The following RAPGEF3 variants were observed in gnomAD, a reference collection of about 807,000 sequenced individuals.
The protein encoded by RAPGEF3 is 9330170P05Rik.
In RAPGEF3, 103 loss-of-function variants were observed where a neutral mutation model predicts 129.8. The observed-to-expected ratio is 0.79, with a 90% CI of 0.68 to 0.93. The LOEUF (loss-of-function observed/expected upper bound fraction) is 0.93, where lower values mean the gene tolerates loss of function less well. Ranked by LOEUF, RAPGEF3 falls within the 40% of genes least tolerant of loss-of-function variation. The probability of loss-of-function intolerance (pLI) is 0.00; values close to 1 mark genes in which losing one functional copy is unlikely to be tolerated. For missense variants in RAPGEF3, 1,117 were observed against 1,207.4 expected (o/e 0.93, Z 1.11); for synonymous variants, 436 against 482.6 (o/e 0.90, Z 1.26).
Position 47,736,483 on chromosome 12 carries a change from G to C in RAPGEF3, c.*1084C>G, listed in dbSNP as rs1000028826. ...GGGTGAGCTCTGCCTCGCAAGAGGC[G>C]TCCTGGCAGTAGCTGGTTCCTAGGG... On this transcript the variant is annotated 3_prime_UTR_variant, in exon 28 of 28. Coordinates refer to ENST00000449771, the MANE Select transcript of RAPGEF3 (RefSeq NM_001098531.4). The C allele has an allele frequency of 6.6e-6, 1 of 152,390 alleles. No individual in the cohort carries two copies. The highest frequency in any genetic ancestry group is 2.4e-5 in the African/African-American group (1 of 41,466). The allele number at this position is 152,390 out of a possible 1,614,324, so 9.4% of individuals were successfully genotyped here.
chr12:47,757,706 G>A (rs1288986252), intron 2 of RAPGEF3, among the ~76,000 whole-genome samples, 160 bp downstream of exon 2: 2 of 152,044 alleles, frequency 1.3e-5, no homozygotes, highest in Non-Finnish European at 2.9e-5. Context: ...AGCCACCCAC[G>A]CACACTGCAG....
In RAPGEF3 at chr12:47,748,731, G is replaced by A. The variant is rs190509176; in HGVS notation, c.1154+88C>T. On this transcript the variant is annotated intron_variant, in intron 11 of 27. Coordinates refer to ENST00000449771, the MANE Select transcript of RAPGEF3 (RefSeq NM_001098531.4). Reference sequence around the variant, plus strand: ...ACCTCTCCATCCACAAGTGGCCAGAGGGCAGGGATATGACACAGGGGAAGG... The same window carrying A: ...ACCTCTCCATCCACAAGTGGCCAGAAGGCAGGGATATGACACAGGGGAAGG... 6.0e-4 allele frequency: 691 copies of A among 1,149,662 alleles called. 6 individuals are homozygous for A. The East Asian group carries it at 0.014, about 23-fold the overall frequency. 71.2% of individuals were successfully genotyped at this position (1,149,662 alleles called of 1,614,324 possible).
intron 2 of RAPGEF3, among the ~76,000 whole-genome samples, chr12:47,753,033 G>T (rs1302693538): frequency 6.6e-6 from 1 of 152,172 alleles, no homozygotes. Flanking sequence ...TGGACAGGAT[G>T]CTCTACCATC....
chr12:47,751,606 G>A, intron 4 of RAPGEF3, 86 bp from the exon 5 acceptor site: 2 of 1,601,294 alleles, frequency 1.2e-6, no homozygotes, highest in South Asian at 2.2e-5. Flanking sequence ...ACCCTCTGAG[G>A]CCCAAGCCTG....
intron 6 of RAPGEF3, among the ~76,000 whole-genome samples, chr12:47,750,781 C>T (rs1941694388): frequency 6.6e-6 from 1 of 152,240 alleles, no homozygotes; most frequent in Non-Finnish European, 1.5e-5. Context: ...ACAACTGTGT[C>T]TCTGAGTGGG....
intron 1 of RAPGEF3, 169 bp from the exon 2 acceptor site, chr12:47,758,247 G>A: frequency 7.0e-7 from 1 of 1,433,268 alleles, no homozygotes. Flanking sequence ...ACCTTCACTG[G>A]GGCCTGCCGG....
chr12:47,740,747 C>T lies in RAPGEF3; in HGVS notation c.2126G>A (p.Arg709His), dbSNP rs778903072. The change falls in exon 21 of 28, where the codon CGC (arginine) becomes CAC (histidine). Residue 709 changes from arginine to histidine, a missense_variant. Physicochemically the swap from Arg to His is conservative, Grantham distance 29 (BLOSUM62 0). This residue lies in a region of RAPGEF3 where 643 missense variants were observed against 673.4 expected (regional missense o/e 0.95). Transcript: ENST00000449771. The part of the protein sequence containing the change: ...VTTANLERFM[R>H]RFNELQYWVA... ...CCAGTACTGCAGCTCATTGAAGCGG[C>T]GCATGAAGCGCTCCAGGTTGGCGGT... 44 of 1,613,944 alleles carry T rather than the reference C, an allele frequency of 2.7e-5. No homozygotes were observed. The highest frequency in any genetic ancestry group is 5.5e-5 in the South Asian group (5 of 91,092).
intron 24 of RAPGEF3, 131 bp downstream of exon 24, chr12:47,739,012 G>A: frequency 1.2e-6 from 1 of 827,350 alleles, no homozygotes; most frequent in Non-Finnish European, 1.9e-6. Flanking sequence ...AGCACTTGAG[G>A]TATAATCTCT....
At chr12:47,754,875 G>A (rs1406952885) in intron 2 of RAPGEF3, among the ~76,000 whole-genome samples, 1 of 152,224 alleles carries the variant, frequency 6.6e-6, no homozygotes, top group Admixed American at 6.5e-5. Context: ...CAGGGCGGAA[G>A]AGGAGGCACT....
At position 47,749,045 on chromosome 12, in the gene RAPGEF3, A is replaced by ATGGG; in HGVS notation, c.1042-115_1042-114insCCCA. The ATGGG allele has an allele frequency of 1.1e-6, 1 of 885,976 alleles. No homozygotes were observed. Among genetic ancestry groups the ATGGG allele is most frequent in the Non-Finnish European group, 1.8e-6 (1 of 560,274 alleles). 54.9% of individuals were successfully genotyped at this position (885,976 alleles called of 1,614,324 possible). ...CCATGAGGGTCCCACAGGGACCCAC[A>ATGGG]GCCCTTCTCCCACCTCCGACTTTGG... On this transcript the variant is annotated intron_variant, in intron 10 of 27. Transcript: ENST00000449771. This position sits in a 1 kb window ranked among gnomAD's most constrained non-coding sequence, Gnocchi z 4.5.
At chr12:47,739,017 ATC>A (rs1464389537) in intron 24 of RAPGEF3, 124 bp downstream of exon 24, 1 of 858,260 alleles carries the variant, frequency 1.2e-6, no homozygotes, top group Non-Finnish European at 1.8e-6. Context: ...TTGAGGTATA[ATC>A]TCTCCAACAG....
intron 2 of RAPGEF3, chr12:47,752,858 G>C (rs1305433151): frequency 6.6e-6 from 1 of 152,172 alleles, no homozygotes; most frequent in Non-Finnish European, 1.5e-5. Flanking sequence ...ACTGGCTCAG[G>C]AAGACGCACT....
chr12:47,748,400 C>T (rs1216475057), intron 12 of RAPGEF3, 54 bp downstream of exon 12: 1 of 1,523,270 alleles, frequency 6.6e-7, no homozygotes. Context: ...CTCTCCCAGG[C>T]TCCATGGACC....
At position 47,748,456 on chromosome 12, in the gene RAPGEF3, G is replaced by T. The variant is rs982187653; in HGVS notation, c.1241C>A (p.Thr414Lys). The change falls in exon 12 of 28, where the codon ACA becomes AAA. Residue 414 changes from threonine (T) to lysine (K), a missense_variant and splice_region_variant. By Grantham distance (78) the Thr-to-Lys change is moderately conservative. Transcript: ENST00000449771. The stretch of plus-strand genomic sequence containing the variant: ...GGCAGGGTGTCTCTTGCCCTTACCT[G>T]TTGGGTCATGAGCACTGGAATCTGG... ...MGPDSSAHDP[T>K]ETFLSDFLLT... The T allele has an allele frequency of 6.2e-7, 1 of 1,612,908 alleles. No individual in the cohort carries two copies. Among genetic ancestry groups the T allele is most frequent in the African/African-American group, 1.3e-5 (1 of 74,876 alleles).
chr12:47,743,695 T>A lies in RAPGEF3; in HGVS notation c.1679-19A>T, dbSNP rs746841164. The A allele has an allele frequency of 5.6e-6, 9 of 1,597,424 alleles. No homozygotes were observed. Among genetic ancestry groups the A allele is most frequent in the Non-Finnish European group, 7.7e-6 (9 of 1,167,006 alleles). The stretch of plus-strand genomic sequence containing the variant: ...TAGGGGACTGAAGAGGAGACCAGAC[T>A]GAGCTGTGGGAAGGGCTGCCTGATC... On this transcript the variant is annotated intron_variant, in intron 17 of 27. Coordinates refer to ENST00000449771, the MANE Select transcript of RAPGEF3 (RefSeq NM_001098531.4).
rs375125789 is a variant in RAPGEF3 at position 47,749,580 on chromosome 12, C to A, written c.895-44G>T. 11 of 1,557,790 alleles carry A rather than the reference C, an allele frequency of 7.1e-6. No homozygotes were observed. The highest frequency in any genetic ancestry group is 9.5e-6 in the Non-Finnish European group (11 of 1,154,430). ...CTCAGCCCGCCCCTGCCGCCCCTGC[C>A]GCCCCCAGCTCTTGCCAGGACAGAC... On this transcript the variant is annotated intron_variant, in intron 9 of 27. Transcript: ENST00000449771. This position sits in a 1 kb window ranked among gnomAD's most constrained non-coding sequence, Gnocchi z 4.5.
intron 15 of RAPGEF3, 57 bp downstream of exon 15, chr12:47,747,487 G>T: frequency 1.9e-6 from 3 of 1,557,718 alleles, no homozygotes; most frequent in East Asian, 4.5e-5. Context: ...GTATGCTCTT[G>T]GTCCCCATGG....
chr12:47,753,636 G>A (rs561852714), intron 2 of RAPGEF3, among the ~76,000 whole-genome samples: 2 of 152,382 alleles, frequency 1.3e-5, no homozygotes, highest in Admixed American at 6.5e-5. Flanking sequence ...ATGAGAAGGA[G>A]GAGGAGCCAG....
rs557906609 is a variant in RAPGEF3, at chr12:47,743,876, G to A, written c.1678+111C>T. On this transcript the variant is annotated intron_variant, in intron 17 of 27. Coordinates refer to ENST00000449771, the MANE Select transcript of RAPGEF3 (RefSeq NM_001098531.4). ...ACACAGACCCTGAGGAGTACAGCGT[G>A]CCACCTTGGCCCAGGCACACCGAGG... 7.3e-6 allele frequency: 10 copies of A among 1,365,484 alleles called. 1 individual carries two copies. The South Asian group carries it at 1.2e-4, about 17-fold the overall frequency. The allele number at this position is 1,365,484 out of a possible 1,614,324, so 84.6% of individuals were successfully genotyped here. A position where few individuals can be genotyped will look rare whatever the true frequency, so the allele number is the denominator to read the frequency against.
Sources: gnomAD v4.1 joint callset for allele counts (sites outside exome capture counted in the v4.1 genomes callset) on GRCh38, gnomAD v4.1.1 for gene constraint, gnomAD v4.1.1 regional missense constraint, Gnocchi (gnomAD v3.1) non-coding constraint, MANE v1.5 for transcripts, NCBI Gene and HGNC (gene_info 2026-07-23, HGNC 2026-07-21) for gene names.